The following PLAA variants were observed in gnomAD, a reference collection of about 807,000 sequenced individuals.
The protein encoded by PLAA is phospholipase A2 activating protein, also known as phospholipase A-2-activating protein.
PLAA carries 48 observed loss-of-function variants against 84.1 expected under a neutral mutation model. That is an observed-to-expected ratio of 0.57 (90% CI 0.45 to 0.73). The LOEUF is 0.73. PLAA is among the 30% of genes least tolerant of loss of function. PLAA has a pLI of 0.00. For synonymous variants in PLAA, 392 were observed against 336.6 expected (o/e 1.16, Z -1.80); for missense variants, 903 against 954.7 (o/e 0.95, Z 0.71).
At chr9:26,937,871 A>G (rs1230268520) in intron 1 of PLAA, among the ~76,000 whole-genome samples, 2 of 43,702 alleles carry the variant, frequency 4.6e-5, no homozygotes, top group Non-Finnish European at 9.3e-5. Context: ...AAAAAGACTG[A>G]AAAAAAAAAA....
chr9:26,914,048 G>T, intron 10 of PLAA, 101 bp from the exon 11 acceptor site: 1 of 805,144 alleles, frequency 1.2e-6, no homozygotes. Context: ...CTTCACAATG[G>T]CGTCATTATA....
At chr9:26,924,811 C>G (rs936018838) in intron 6 of PLAA, among the ~76,000 whole-genome samples, 1 of 152,162 alleles carries the variant, frequency 6.6e-6, no homozygotes, top group African/African-American at 2.4e-5. Context: ...TTTCTTCCCT[C>G]AGAGAATGGT....
chr9:26,946,570 T>A (rs1587204108), intron 1 of PLAA, among the ~76,000 whole-genome samples: 1 of 148,440 alleles, frequency 6.7e-6, no homozygotes, highest in African/African-American at 2.5e-5. Flanking sequence ...CTTCGGAGGG[T>A]GCAACTGCAA....
chr9:26,943,022 A>G (rs1295483647), intron 1 of PLAA, among the ~76,000 whole-genome samples: 1 of 152,144 alleles, frequency 6.6e-6, no homozygotes, highest in Non-Finnish European at 1.5e-5. Context: ...GATTAATATA[A>G]TCAGATCCTA....
chr9:26,942,145 G>A (rs1041090944), intron 1 of PLAA, among the ~76,000 whole-genome samples: 1 of 152,170 alleles, frequency 6.6e-6, no homozygotes, highest in Non-Finnish European at 1.5e-5. Flanking sequence ...TTTCAGACTT[G>A]CAAGGTCTTA....
At chr9:26,941,169 A>AAAAAAC (rs1563921251) in intron 1 of PLAA, among the ~76,000 whole-genome samples, 5 of 144,774 alleles carry the variant, frequency 3.5e-5, no homozygotes, top group Admixed American at 6.9e-5. Flanking sequence ...AAAAAAAAAC[A>AAAAAAC]AAAACAAAAC....
In PLAA at chr9:26,925,806, T is replaced by A; in HGVS notation, c.869+19A>T. Reference sequence around the variant, plus strand: ...GGCCTAGACATATAACATTTAATGATTGACTAGAATATAAATACCTCGCAC... The same window carrying A: ...GGCCTAGACATATAACATTTAATGAATGACTAGAATATAAATACCTCGCAC... On this transcript the variant is annotated intron_variant, in intron 6 of 13. Transcript: ENST00000397292. 1 of 1,611,542 alleles carries A rather than the reference T, an allele frequency of 6.2e-7. No individual in the cohort carries two copies. Among genetic ancestry groups the A allele is most frequent in the Non-Finnish European group, 8.5e-7 (1 of 1,177,998 alleles).
At chr9:26,922,744 G>A (rs971482547) in intron 7 of PLAA, among the ~76,000 whole-genome samples, 2 of 150,512 alleles carry the variant, frequency 1.3e-5, no homozygotes, top group Non-Finnish European at 2.9e-5. Flanking sequence ...TCGGCTCACC[G>A]CAGCCTCAAC....
intron 11 of PLAA, among the ~76,000 whole-genome samples, chr9:26,911,003 A>G (rs1824382428): frequency 6.6e-6 from 1 of 152,090 alleles, no homozygotes; most frequent in South Asian, 2.1e-4. Context: ...CATCATCTTT[A>G]TAAATCCCCA....
At position 26,907,894 on chromosome 9, in the gene PLAA, A is replaced by C; in HGVS notation, c.1762T>G (p.Ser588Ala). 6.2e-7 allele frequency: 1 copy of C among 1,612,020 alleles called. No individual in the cohort carries two copies. Among genetic ancestry groups the C allele is most frequent in the African/African-American group, 1.3e-5 (1 of 74,880 alleles). ...KILSLICNSS[S>A]EKPTVQQLQI... The stretch of plus-strand genomic sequence containing the variant: ...AGTTGCTGGACTGTGGGTTTTTCTG[A>C]AGAACTATTACATATTAGAGACAGT... The change falls in exon 13 of 14, where the codon TCA becomes GCA. Residue 588 changes from serine to alanine, a missense_variant. Ser to Ala is a moderately conservative substitution (Grantham distance 99). Coordinates refer to ENST00000397292, the MANE Select transcript of PLAA (RefSeq NM_001031689.3).
At chr9:26,911,238 C>T (rs1460149239) in intron 11 of PLAA, among the ~76,000 whole-genome samples, 7 of 152,174 alleles carry the variant, frequency 4.6e-5, no homozygotes, top group South Asian at 4.2e-4. Flanking sequence ...CTGCAATCTC[C>T]ACCTCCTGAG....
chr9:26,939,114 C>T (rs143899432), intron 1 of PLAA, among the ~76,000 whole-genome samples: 5 of 152,152 alleles, frequency 3.3e-5, no homozygotes, highest in African/African-American at 1.2e-4. Context: ...CTAGGCCGGG[C>T]GCCGTGGCTC....
At chr9:26,906,200 G>C (rs1824231408) in intron 13 of PLAA, 124 bp from the exon 14 acceptor site, 2 of 569,240 alleles carry the variant, frequency 3.5e-6, no homozygotes, top group Admixed American at 3.7e-5. Context: ...GAAAAATCAT[G>C]TGTCTGCTTT....
rs80263587 is a variant in PLAA at position 26,911,161 on chromosome 9, T to C, written c.1556-722A>G. ...GGTTTGCTGAGGAGTCCTAGCCCTT[T>C]TGTTTTTTTGAGACAGAGTCACGCT... On this transcript the variant is annotated intron_variant, in intron 11 of 13. Transcript: ENST00000397292. 7.5e-3 allele frequency among the ~76,000 whole-genome samples: 1,139 copies of C among 152,190 alleles called. 11 individuals carry two copies. Among genetic ancestry groups the C allele is most frequent in the African/African-American group, 0.026 (1,083 of 41,526 alleles).
rs1824196625 is a variant in PLAA at position 26,905,386 on chromosome 9, T to C, written c.*125A>G. 1.3e-6 allele frequency: 1 copy of C among 750,338 alleles called. No individual in the cohort carries two copies. Among genetic ancestry groups the C allele is most frequent in the East Asian group, 2.7e-5 (1 of 37,262 alleles). The allele number at this position is 750,338 out of a possible 1,614,324, so 46.5% of individuals were successfully genotyped here. A position where few individuals can be genotyped will look rare whatever the true frequency, so the allele number is the denominator to read the frequency against. ...ATTTCTGTTTCCCCTCCCCACCACT[T>C]TACAAGATGTAAAATTTTACTTAAT... On this transcript the variant is annotated 3_prime_UTR_variant, in exon 14 of 14. Transcript: ENST00000397292.
At chr9:26,920,587 G>T (rs112483222) in intron 7 of PLAA, among the ~76,000 whole-genome samples, 12,453 of 152,098 alleles carry the variant, frequency 0.082, 804 homozygotes, top group African/African-American at 0.18. Flanking sequence ...TCAAAGGAAG[G>T]TTAACAAAAC....
At chr9:26,927,756 A>G (rs180980130) in intron 4 of PLAA, among the ~76,000 whole-genome samples, 8 of 152,296 alleles carry the variant, frequency 5.3e-5, no homozygotes, top group Admixed American at 6.5e-5. Context: ...GACCATCAGT[A>G]AGGCTTATGT....
rs1171041433 is a variant in PLAA, at chr9:26,923,329, C to T, written c.888G>A (p.Val296=). ...VVGASDGIIR[V]FTESEDRTAS... ...CTGTTCGATCTTCTGATTCTGTAAACACTCTAATAATGCCATCACTGTAAG... is the reference window on the plus strand; with the variant it reads ...CTGTTCGATCTTCTGATTCTGTAAATACTCTAATAATGCCATCACTGTAAG... Residue 296 remains valine, a synonymous_variant, in exon 7 of 14, where the codon GTG becomes GTA. Coordinates refer to ENST00000397292, the MANE Select transcript of PLAA (RefSeq NM_001031689.3). 6.2e-7 allele frequency: 1 copy of T among 1,611,280 alleles called. No individual in the cohort carries two copies. Among genetic ancestry groups the T allele is most frequent in the East Asian group, 2.2e-5 (1 of 44,830 alleles).
At chr9:26,907,701 G>A (rs1207944258) in intron 13 of PLAA, 133 bp downstream of exon 13, 11 of 712,890 alleles carry the variant, frequency 1.5e-5, no homozygotes, top group East Asian at 1.4e-4. Context: ...AACCCTTTTC[G>A]TGAAGATTTT....
Sources: allele counts gnomAD v4.1 joint callset (sites outside exome capture counted in the v4.1 genomes callset), GRCh38; gene constraint gnomAD v4.1.1; transcripts MANE v1.5; gene names NCBI Gene and HGNC (gene_info 2026-07-23, HGNC 2026-07-21).